Variants in EMC3 observed in about 807,000 individuals in gnomAD.
The protein encoded by EMC3 is 30 kDa protein.
A neutral mutation model predicts 36.6 loss-of-function variants in EMC3; 13 were observed. The observed-to-expected ratio is 0.35, with a 90% CI of 0.23 to 0.56. EMC3 has a LOEUF of 0.56. Among genes scored for constraint, EMC3 ranks in the 20% least tolerant of loss-of-function variants. The pLI, the probability that EMC3 is intolerant of heterozygous loss-of-function variation, is 0.84. For missense variants in EMC3, 220 were observed against 324.5 expected (o/e 0.68, Z 2.47); for synonymous variants, 120 against 111.9 (o/e 1.07, Z -0.46).
chr3:9,983,599 G>A (rs972265296), intron 1 of EMC3, among the ~76,000 whole-genome samples: 2 of 152,058 alleles, frequency 1.3e-5, no homozygotes, highest in African/African-American at 4.8e-5. Context: ...TTCAGCTGGG[G>A]AGGCAGAGGT....
chr3:9,962,828 G>A lies in EMC3; in HGVS notation c.*1241C>T, dbSNP rs1481739240. The A allele has an allele frequency of 6.6e-6, 1 of 152,044 alleles. No homozygotes were observed. The allele number at this position is 152,044 out of a possible 1,614,324, so 9.4% of individuals were successfully genotyped here. ...TTTAATCCAGACAGAATTATTCTTG[G>A]GCACCCTTATCTGTGTGTCTACCAA... On this transcript the variant is annotated 3_prime_UTR_variant, in exon 8 of 8. Coordinates refer to ENST00000245046, the MANE Select transcript of EMC3 (RefSeq NM_001394674.1).
chr3:9,983,569 G>A (rs573173088), intron 1 of EMC3, among the ~76,000 whole-genome samples: 1 of 152,192 alleles, frequency 6.6e-6, no homozygotes, highest in South Asian at 2.1e-4. Flanking sequence ...CCACTCGAGA[G>A]GTTGAGGCAG....
chr3:9,979,983 C>CAG (rs1386122360), intron 1 of EMC3, among the ~76,000 whole-genome samples: 2 of 151,400 alleles, frequency 1.3e-5, no homozygotes, highest in African/African-American at 4.9e-5. Context: ...GTGCAAGAGC[C>CAG]AGACTATACA....
chr3:9,980,829 G>T (rs1272402450), intron 1 of EMC3, among the ~76,000 whole-genome samples: 1 of 152,126 alleles, frequency 6.6e-6, no homozygotes, highest in African/African-American at 2.4e-5. Flanking sequence ...TGAGAGCAGG[G>T]TCGTGACCTT....
chr3:9,986,692 T>A lies in EMC3; in HGVS notation c.-31A>T, dbSNP rs1341065142. On this transcript the variant is annotated 5_prime_UTR_variant, in exon 1 of 8. Transcript: ENST00000245046. The stretch of plus-strand genomic sequence containing the variant: ...CTGAAAGCTGGTTCCCAGTCTGGAA[T>A]GGGCGAGCTTCTCTTCTCCGGGGCA... 6.2e-7 allele frequency: 1 copy of A among 1,611,704 alleles called. No individual in the cohort carries two copies. Among genetic ancestry groups the A allele is most frequent in the Non-Finnish European group, 8.5e-7 (1 of 1,178,352 alleles).
intron 1 of EMC3, among the ~76,000 whole-genome samples, chr3:9,985,160 CT>C (rs1303937032): frequency 6.6e-6 from 1 of 152,132 alleles, no homozygotes; most frequent in Non-Finnish European, 1.5e-5. Context: ...TATATATCAA[CT>C]TTTTTCCCAT....
At chr3:9,988,770 T>A, upstream of EMC3, 1 of 1,372,880 alleles carries the variant, frequency 7.3e-7, no homozygotes, top group Non-Finnish European at 1.0e-6. Flanking sequence ...TACTATGCAT[T>A]TTCAGTATTG....
Position 9,976,968 on chromosome 3 carries a change from G to A in EMC3, c.296C>T (p.Ser99Phe), listed in dbSNP as rs2085856629. 1 of 1,610,542 alleles carries A rather than the reference G, an allele frequency of 6.2e-7. No homozygotes were observed. The highest frequency in any genetic ancestry group is 8.5e-7 in the Non-Finnish European group (1 of 1,178,472). ...KKTKRKVVPP[S>F]PMTDPTMLTD... ...GGGAACAAACATACCAGTCATAGGA[G>A]AAGGTGGCACTACCTTCCGTTTAGT... Residue 99 changes from serine to phenylalanine, a missense_variant, in exon 3 of 8, where the codon TCT becomes TTT. Ser to Phe is a radical substitution (Grantham distance 155, BLOSUM62 -2). Around this residue, in one of 3 missense-constraint regions of EMC3, gnomAD observed 127 missense variants for 174.6 expected, o/e 0.73. Coordinates refer to ENST00000245046, the MANE Select transcript of EMC3 (RefSeq NM_001394674.1).
intron 1 of EMC3, among the ~76,000 whole-genome samples, chr3:10,002,257 A>G (rs2086209874): frequency 6.7e-6 from 1 of 150,062 alleles, no homozygotes; most frequent in South Asian, 2.2e-4. Flanking sequence ...TATGTCTTTA[A>G]TTTTTTTCAG....
intron 1 of EMC3, chr3:10,003,053 A>G (rs1472457318): frequency 6.6e-6 from 3 of 456,378 alleles, no homozygotes; most frequent in Non-Finnish European, 1.3e-5. Flanking sequence ...CAAGCCGCCC[A>G]GCATGACCCT....
chr3:9,973,996 A>G (rs1409212381), intron 4 of EMC3, among the ~76,000 whole-genome samples: 1 of 152,230 alleles, frequency 6.6e-6, no homozygotes, highest in Non-Finnish European at 1.5e-5. Context: ...TCTAAGTGGA[A>G]TATATAAGCA....
At chr3:9,967,071 T>C (rs767806013) in intron 7 of EMC3, among the ~76,000 whole-genome samples, 8 of 152,134 alleles carry the variant, frequency 5.3e-5, no homozygotes, top group Admixed American at 4.6e-4. Flanking sequence ...CCCCATCCCA[T>C]CCTCAGTAAA....
intron 1 of EMC3, chr3:10,010,394 G>T (rs1308038734): frequency 1.3e-5 from 2 of 151,452 alleles, no homozygotes; most frequent in African/African-American, 4.9e-5. Flanking sequence ...GCAACAGAGC[G>T]AGACTCGTCT....
At chr3:9,990,973 C>T (rs903729034), upstream of EMC3, among the ~76,000 whole-genome samples, 17 of 152,060 alleles carry the variant, frequency 1.1e-4, 1 homozygote, top group East Asian at 1.9e-3. Context: ...GGACTATAGG[C>T]GCCCACCACC....
chr3:9,966,171 T>C (rs1481333911), intron 7 of EMC3, among the ~76,000 whole-genome samples: 1 of 152,068 alleles, frequency 6.6e-6, no homozygotes, highest in Non-Finnish European at 1.5e-5. Context: ...CTTGTTATTG[T>C]TGATCTTTTT....
At chr3:10,008,992 A>G (rs1006568339) in intron 1 of EMC3, 1 of 155,420 alleles carries the variant, frequency 6.4e-6, no homozygotes, top group African/African-American at 2.4e-5. Context: ...GCGGATGCCT[A>G]CCGTGACTCT....
chr3:10,010,750 G>A (rs1038953451), intron 1 of EMC3: 2 of 152,518 alleles, frequency 1.3e-5, no homozygotes, highest in African/African-American at 2.4e-5. Context: ...GAGCCTTAGG[G>A]GGAGAGGACC....
chr3:9,974,357 A>G (rs752520048), intron 4 of EMC3, 27 bp downstream of exon 4: 2 of 1,495,756 alleles, frequency 1.3e-6, no homozygotes, highest in Admixed American at 3.3e-5. Flanking sequence ...TCTGGGTAAC[A>G]TGAAGTCGGC....
Position 9,973,610 on chromosome 3 carries a change from A to G in EMC3, c.494+18T>C, listed in dbSNP as rs749973641. ...AAAGTGTGGTTTGTGTTTTTATTAA[A>G]CAAAAGAAAGTTCTTACCAGGATGC... is the stretch of plus-strand genomic sequence containing the variant. On this transcript the variant is annotated intron_variant, in intron 5 of 7. Transcript: ENST00000245046. The G allele has an allele frequency of 1.9e-6, 3 of 1,611,682 alleles. No individual in the cohort carries two copies. The highest frequency in any genetic ancestry group is 1.7e-5 in the Admixed American group (1 of 60,012).
Sources: allele counts gnomAD v4.1 joint callset (sites outside exome capture counted in the v4.1 genomes callset), GRCh38; gene constraint gnomAD v4.1.1; regional missense constraint gnomAD v4.1.1; transcripts MANE v1.5; gene names NCBI Gene and HGNC (gene_info 2026-07-23, HGNC 2026-07-21).